The following GIP variants were observed in gnomAD, a reference collection of about 807,000 sequenced individuals.
GIP encodes glucose-dependent insulinotropic polypeptide.
Under a neutral mutation model 18.1 loss-of-function variants are expected in GIP, and 16 were observed. The observed-to-expected ratio is 0.88, with a 90% CI of 0.60 to 1.34. The LOEUF is 1.34. Ranked by LOEUF, GIP falls within the 40% of genes most tolerant of loss-of-function variation. The probability of loss-of-function intolerance (pLI) is 0.00; values close to 1 mark genes in which losing one functional copy is unlikely to be tolerated. For synonymous variants in GIP, 76 were observed against 74.0 expected, an observed-to-expected ratio of 1.03 and a Z score of -0.14; for missense variants, 192 against 183.4, an observed-to-expected ratio of 1.05 and a Z score of -0.27.
intron 2 of GIP, among the ~76,000 whole-genome samples, chr17:48,964,809 C>T (rs2041225767): frequency 6.6e-6 from 1 of 152,154 alleles, no homozygotes; most frequent in Admixed American, 6.6e-5. Flanking sequence ...GCCTGACCAA[C>T]ATGGAGAAAT....
rs1374107284 is a variant in GIP at position 48,961,053 on chromosome 17, G to T, written c.351-66C>A. 2.7e-6 allele frequency: 3 copies of T among 1,099,860 alleles called. No individual in the cohort carries two copies. In the East Asian group the frequency reaches 7.6e-5, roughly 28 times the overall value. 68.1% of individuals were successfully genotyped at this position (1,099,860 alleles called of 1,614,324 possible). Reference sequence around the variant, plus strand: ...CTTCGCCCAGAGAGGGTAAACACAGGGTTGGGGACACCACTGAGGGGCAGC... The same window carrying T: ...CTTCGCCCAGAGAGGGTAAACACAGTGTTGGGGACACCACTGAGGGGCAGC... On this transcript the variant is annotated intron_variant, in intron 4 of 5. Transcript: ENST00000357424.
At chr17:48,958,833 A>C in intron 5 of GIP, 117 bp from the exon 6 acceptor site, 1 of 682,908 alleles carries the variant, frequency 1.5e-6, no homozygotes, top group Non-Finnish European at 2.5e-6. Context: ...ACCTTTTTAA[A>C]TATTTTAATT....
At chr17:48,966,040 A>G (rs1486442266) in intron 2 of GIP, among the ~76,000 whole-genome samples, 1 of 152,016 alleles carries the variant, frequency 6.6e-6, no homozygotes, top group Non-Finnish European at 1.5e-5. Flanking sequence ...CAGGTGGATC[A>G]CGAGGTCAGG....
At chr17:48,968,313 T>G (rs2041246319) in intron 1 of GIP, among the ~76,000 whole-genome samples, 1 of 151,970 alleles carries the variant, frequency 6.6e-6, no homozygotes, top group Non-Finnish European at 1.5e-5. Flanking sequence ...AGGCTGGTCT[T>G]GAACTCCTGT....
Position 48,967,222 on chromosome 17 carries a change from G to A in GIP, c.11C>T (p.Thr4Met), listed in dbSNP as rs755023002. Residue 4 changes from threonine to methionine, a missense_variant, in exon 2 of 6, where the codon ACG becomes ATG. Transcript: ENST00000357424. MVA[T>M]KTFALLLLSL... is the part of the protein sequence containing the mutation. Reference sequence around the variant, plus strand: ...CAGCAGCAGCAGAGCAAAGGTCTTCGTGGCCACCATCTTCCAAGGTTATTT... The same window carrying A: ...CAGCAGCAGCAGAGCAAAGGTCTTCATGGCCACCATCTTCCAAGGTTATTT... 17 of 1,613,708 alleles carry A rather than the reference G, an allele frequency of 1.1e-5. No individual in the cohort carries two copies. The highest frequency in any genetic ancestry group is 1.3e-5 in the African/African-American group (1 of 74,888).
intron 2 of GIP, 32 bp from the exon 3 acceptor site, chr17:48,964,512 A>AT (rs2041223302): frequency 1.9e-6 from 3 of 1,589,614 alleles, no homozygotes; most frequent in Non-Finnish European, 2.6e-6. Flanking sequence ...AGGGGCAGAG[A>AT]TGGGGGGAGA....
chr17:48,962,363 A>C (rs2041204983), intron 3 of GIP, among the ~76,000 whole-genome samples: 1 of 147,776 alleles, frequency 6.8e-6, no homozygotes, highest in South Asian at 2.2e-4. Context: ...TGAACAGCCA[A>C]TCCTATTTTC....
chr17:48,967,168 T>C lies in GIP; in HGVS notation c.65A>G (p.Glu22Gly), dbSNP rs368634707. The C allele has an allele frequency of 6.2e-6, 10 of 1,613,206 alleles. No homozygotes were observed. Among genetic ancestry groups the C allele is most frequent in the Non-Finnish European group, 8.5e-6 (10 of 1,179,470 alleles). The change falls in exon 2 of 6, where the codon GAG becomes GGG. Residue 22 changes from glutamate to glycine, a missense_variant. Coordinates refer to ENST00000357424, the MANE Select transcript of GIP (RefSeq NM_004123.3). The stretch of plus-strand genomic sequence containing the variant: ...CTACCTGAAGTGACCCTCTTTCTTC[T>C]CTCCTAGTCCCACTGCCAGGAACAG... ...LSLFLAVGLG[E>G]KKEGHFSALP...
At chr17:48,967,069 T>TC (rs1303912239) in intron 2 of GIP, 78 bp downstream of exon 2, 10 of 1,065,840 alleles carry the variant, frequency 9.4e-6, no homozygotes, top group Admixed American at 1.8e-5. Context: ...CTTTCTCATC[T>TC]CCCCCTAGAA....
intron 2 of GIP, 96 bp downstream of exon 2, chr17:48,967,050 AT>A: frequency 1.2e-6 from 1 of 857,014 alleles, no homozygotes; most frequent in Admixed American, 1.9e-5. Context: ...CTTAGCCTGG[AT>A]TCCTTCCCTT....
chr17:48,963,023 C>T (rs1025240971), intron 3 of GIP, among the ~76,000 whole-genome samples: 5 of 151,874 alleles, frequency 3.3e-5, no homozygotes, highest in African/African-American at 9.7e-5. Context: ...AGGAGAATGA[C>T]GTGAACCCGG....
chr17:48,962,940 TA>T (rs1282007067), intron 3 of GIP, among the ~76,000 whole-genome samples: 1 of 150,334 alleles, frequency 6.7e-6, no homozygotes, highest in East Asian at 2.1e-4. Context: ...CCGTCTCTAC[TA>T]AAAAAATGCA....
At chr17:48,966,664 G>A (rs138561066) in intron 2 of GIP, among the ~76,000 whole-genome samples, 37 of 152,070 alleles carry the variant, frequency 2.4e-4, no homozygotes, top group African/African-American at 8.2e-4. Flanking sequence ...AAAACTAGCC[G>A]AGCGTGGTGG....
At chr17:48,961,967 T>C (rs1437057907) in intron 3 of GIP, 148 bp from the exon 4 acceptor site, 2 of 645,844 alleles carry the variant, frequency 3.1e-6, no homozygotes, top group African/African-American at 3.6e-5. Flanking sequence ...CCTCCACCAG[T>C]GAACAGCTTT....
Position 48,960,935 on chromosome 17 carries a change from G to A in GIP, c.403C>T (p.Gln135Ter), listed in dbSNP as rs1038509898. The change falls in exon 5 of 6, where the codon CAA (glutamine) becomes TAA (stop). Residue 135 changes from glutamine (Q) to a stop codon, truncating the protein, a stop_gained. Transcript: ENST00000357424. LOFTEE classifies it high-confidence loss of function. ...DEDLLRDLLI[Q>*]ELLACLLDQT... ...TCCAGCAAGCAGGCCAACAGCTCTT[G>A]AATCAGCAAGTCCCGCAGCAAATCT... is the stretch of plus-strand genomic sequence containing the variant. The A allele has an allele frequency of 1.4e-5, 23 of 1,609,446 alleles. No homozygotes were observed. The highest frequency in any genetic ancestry group is 2.0e-5 in the Non-Finnish European group (23 of 1,178,250).
At chr17:48,964,514 G>A in intron 2 of GIP, 34 bp from the exon 3 acceptor site, 2 of 1,580,454 alleles carry the variant, frequency 1.3e-6, no homozygotes, top group African/African-American at 1.3e-5. Context: ...GGGCAGAGAT[G>A]GGGGGAGAAT....
chr17:48,959,117 G>C (rs1005939495), intron 5 of GIP, among the ~76,000 whole-genome samples: 1 of 151,958 alleles, frequency 6.6e-6, no homozygotes, highest in Non-Finnish European at 1.5e-5. Flanking sequence ...GCCTCCCAAA[G>C]TCCTGGGATT....
At chr17:48,964,939 A>C (rs1479552326) in intron 2 of GIP, among the ~76,000 whole-genome samples, 1 of 151,718 alleles carries the variant, frequency 6.6e-6, no homozygotes, top group African/African-American at 2.4e-5. Flanking sequence ...GGAGATCGAG[A>C]CCATCCTGGC....
At chr17:48,961,927 T>C in intron 3 of GIP, 108 bp from the exon 4 acceptor site, 3 of 751,418 alleles carry the variant, frequency 4.0e-6, no homozygotes, top group Non-Finnish European at 4.5e-6. Context: ...CTTTTTCCAC[T>C]CAACCCCACC....
Sources: allele counts gnomAD v4.1 joint callset (sites outside exome capture counted in the v4.1 genomes callset), GRCh38; gene constraint gnomAD v4.1.1; transcripts MANE v1.5; gene names NCBI Gene and HGNC (gene_info 2026-07-23, HGNC 2026-07-21).